Variants in MFF observed in about 807,000 individuals in gnomAD.
The protein encoded by MFF is mitochondrial fission factor.
A neutral mutation model predicts 36.9 loss-of-function variants in MFF; 12 were observed. That is an observed-to-expected ratio of 0.33 (90% confidence interval 0.21 to 0.53). The LOEUF (loss-of-function observed/expected upper bound fraction) is 0.53. MFF is among the 20% of genes least tolerant of loss of function. The pLI, the probability that MFF is intolerant of heterozygous loss-of-function variation, is 0.95. For missense variants in MFF, 348 were observed against 366.6 expected (o/e 0.95, Z 0.42); for synonymous variants, 99 against 126.2 (o/e 0.78, Z 1.44).
At chr2:227,336,083 G>C (rs2074980320) in intron 4 of MFF, among the ~76,000 whole-genome samples, 1 of 152,216 alleles carries the variant, frequency 6.6e-6, no homozygotes, top group South Asian at 2.1e-4. Context: ...ATCCGAACTG[G>C]AGCCAGTGGG....
intron 6 of MFF, among the ~76,000 whole-genome samples, chr2:227,349,073 C>A (rs888297788): frequency 6.6e-6 from 1 of 151,960 alleles, no homozygotes; most frequent in African/African-American, 2.4e-5. Flanking sequence ...AATGCTATTA[C>A]ATTTAAAATA....
At chr2:227,329,914 C>T in intron 2 of MFF, 3 of 470,652 alleles carry the variant, frequency 6.4e-6, no homozygotes, top group Non-Finnish European at 7.2e-6. Flanking sequence ...AACATTCTTT[C>T]TACTGCATTA....
At position 227,357,225 on chromosome 2, in the gene MFF, C is replaced by T. The variant is rs1432896363; in HGVS notation, c.*108C>T. ...TTGTATGCCATTTTATAGTCCACAC[C>T]CTGAAAATGTATTTCTTCCAGAAAG... On this transcript the variant is annotated 3_prime_UTR_variant, in exon 9 of 9. Coordinates refer to ENST00000304593, the MANE Select transcript of MFF (RefSeq NM_001277062.2). 8.4e-7 allele frequency: 1 copy of T among 1,197,166 alleles called. No individual in the cohort carries two copies. The highest frequency in any genetic ancestry group is 1.5e-5 in the South Asian group (1 of 66,778). 74.2% of individuals were successfully genotyped at this position (1,197,166 alleles called of 1,614,324 possible). A position where few individuals can be genotyped will look rare whatever the true frequency, so the allele number is the denominator to read the frequency against.
intron 4 of MFF, among the ~76,000 whole-genome samples, chr2:227,336,220 T>G (rs775638956): frequency 6.6e-6 from 1 of 152,158 alleles, no homozygotes; most frequent in African/African-American, 2.4e-5. Context: ...TGCCGTTAAA[T>G]CCTATCAATC....
chr2:227,330,854 A>G lies in MFF; in HGVS notation c.181+8A>G, dbSNP rs371619648. 1.5e-5 allele frequency: 22 copies of G among 1,439,622 alleles called. No homozygotes were observed. Among genetic ancestry groups the G allele is most frequent in the Non-Finnish European group, 2.1e-5 (22 of 1,070,682 alleles). The allele number at this position is 1,439,622 out of a possible 1,614,324, so 89.2% of individuals were successfully genotyped here. A position where few individuals can be genotyped will look rare whatever the true frequency, so the allele number is the denominator to read the frequency against. ...AGAGGATTGTTGTAGCAGGTATTTC[A>G]CCTTTACTTAGAAGGTTGCCTGTTA... On this transcript the variant is annotated splice_region_variant and intron_variant, in intron 3 of 8. Transcript: ENST00000304593.
chr2:227,355,059 G>A (rs147223921), intron 7 of MFF, among the ~76,000 whole-genome samples: 6,758 of 152,210 alleles, frequency 0.044, 382 homozygotes, highest in East Asian at 0.13. Flanking sequence ...TACTTGGGAG[G>A]CTGAGGTAGG....
At chr2:227,355,824 A>G (rs1356396126) in intron 8 of MFF, 63 bp downstream of exon 8, 2 of 978,058 alleles carry the variant, frequency 2.0e-6, no homozygotes, top group South Asian at 1.4e-5. Flanking sequence ...TTAAAGTGAT[A>G]GTTCTCAACA....
At chr2:227,356,799 T>G (rs1388155861) in intron 8 of MFF, among the ~76,000 whole-genome samples, 187 bp from the exon 9 acceptor site, 1 of 152,212 alleles carries the variant, frequency 6.6e-6, no homozygotes, top group Non-Finnish European at 1.5e-5. Flanking sequence ...TTAAGTGAAT[T>G]TAAGCTGTCA....
At chr2:227,336,816 A>G (rs981191969) in intron 4 of MFF, among the ~76,000 whole-genome samples, 2 of 152,218 alleles carry the variant, frequency 1.3e-5, no homozygotes, top group Non-Finnish European at 2.9e-5. Context: ...GAAGTAGCAG[A>G]TGGTTATTGG....
At chr2:227,331,049 C>T (rs796972980) in intron 3 of MFF, among the ~76,000 whole-genome samples, 4 of 152,272 alleles carry the variant, frequency 2.6e-5, no homozygotes, top group African/African-American at 9.6e-5. Flanking sequence ...GTTTTACACA[C>T]ATAAAATGTA....
rs371211696 is a variant in MFF, at chr2:227,352,332, A to G, written c.600-182A>G. ...TCAATAGTAATGTTGAGTTTATGAAAATGATAAAATGGAGGACACATGAGA... is the reference window on the plus strand; with the variant it reads ...TCAATAGTAATGTTGAGTTTATGAAGATGATAAAATGGAGGACACATGAGA... On this transcript the variant is annotated intron_variant, in intron 6 of 8. Coordinates refer to ENST00000304593, the MANE Select transcript of MFF (RefSeq NM_001277062.2). 1.1e-5 allele frequency: 6 copies of G among 532,646 alleles called. No individual in the cohort carries two copies. In the East Asian group the frequency reaches 1.8e-4, roughly 16 times the overall value. 33.0% of individuals were successfully genotyped at this position (532,646 alleles called of 1,614,324 possible). A position where few individuals can be genotyped will look rare whatever the true frequency, so the allele number is the denominator to read the frequency against.
At chr2:227,331,060 T>G (rs1416028859) in intron 3 of MFF, among the ~76,000 whole-genome samples, 1 of 152,216 alleles carries the variant, frequency 6.6e-6, no homozygotes, top group East Asian at 1.9e-4. Context: ...ATAAAATGTA[T>G]ACATTTTTAA....
In MFF at chr2:227,340,276, C is replaced by G. The variant is rs1239961654; in HGVS notation, c.352-16C>G. 2 of 1,607,668 alleles carry G rather than the reference C, an allele frequency of 1.2e-6. No individual in the cohort carries two copies. The highest frequency in any genetic ancestry group is 1.1e-5 in the South Asian group (1 of 90,838). On this transcript the variant is annotated splice_polypyrimidine_tract_variant and intron_variant, in intron 4 of 8. Transcript: ENST00000304593. ...AGAATATTTCTATTTCCTTCCCTCT[C>G]TTTGTGCCTTAACAGATCCGAGCAG...
chr2:227,338,759 G>A (rs2075198446), intron 4 of MFF, among the ~76,000 whole-genome samples: 1 of 151,952 alleles, frequency 6.6e-6, no homozygotes, highest in Admixed American at 6.6e-5. Flanking sequence ...GAACCCGGGA[G>A]GCAGAGTTTG....
At chr2:227,352,648 CG>C in intron 7 of MFF, 75 bp downstream of exon 7, 3 of 1,154,554 alleles carry the variant, frequency 2.6e-6, no homozygotes, top group Non-Finnish European at 3.8e-6. Flanking sequence ...TGTTGCATGT[CG>C]TAGCCATGCC....
rs373709042 is a variant in MFF, at chr2:227,330,724, G to A, written c.59G>A (p.Arg20Gln). Residue 20 changes from arginine to glutamine, a missense_variant, in exon 3 of 9, where the codon CGA (arginine) becomes CAA (glutamine). Arg to Gln is a conservative substitution (Grantham distance 43, BLOSUM62 1). Transcript: ENST00000304593. ...GAATATACTGAAGGCATTAGTCAGC[G>A]AATGAGGGTCCCAGAAAAGTTAAAA... ...EMEYTEGISQRMRVPEKLKVA... is the reference protein window; with the variant it reads ...EMEYTEGISQQMRVPEKLKVA... 1.6e-5 allele frequency: 26 copies of A among 1,614,048 alleles called. No homozygotes were observed. Among genetic ancestry groups the A allele is most frequent in the Middle Eastern group, 1.6e-4 (1 of 6,084 alleles).
intron 5 of MFF, among the ~76,000 whole-genome samples, chr2:227,342,403 G>A (rs2075445030): frequency 6.6e-6 from 1 of 151,938 alleles, no homozygotes. Flanking sequence ...AACGTAGTGA[G>A]GAAAAAACAA....
intron 6 of MFF, among the ~76,000 whole-genome samples, chr2:227,348,131 G>A (rs1203255916): frequency 6.6e-6 from 1 of 152,138 alleles, no homozygotes; most frequent in East Asian, 1.9e-4. Context: ...CATTTATCTA[G>A]TGGCTTCTGG....
At chr2:227,326,754 T>G (rs776937015) in intron 1 of MFF, among the ~76,000 whole-genome samples, 1 of 152,208 alleles carries the variant, frequency 6.6e-6, no homozygotes, top group Non-Finnish European at 1.5e-5. Flanking sequence ...GTGAACTAGG[T>G]CCACGCAGTA....
Sources: gnomAD v4.1 joint callset for allele counts (sites outside exome capture counted in the v4.1 genomes callset) on GRCh38, gnomAD v4.1.1 for gene constraint, MANE v1.5 for transcripts, NCBI Gene and HGNC (gene_info 2026-07-23, HGNC 2026-07-21) for gene names.